Variants in CHN1 observed in about 807,000 individuals in gnomAD.
CHN1 encodes the protein N-chimaerin.
A neutral mutation model predicts 59.5 loss-of-function variants in CHN1; 37 were observed. That is an observed-to-expected ratio of 0.62 (90% confidence interval 0.48 to 0.82). CHN1 has a LOEUF of 0.82. Ranked by LOEUF, CHN1 falls within the 40% of genes least tolerant of loss-of-function variation. The pLI, the probability that CHN1 is intolerant of heterozygous loss-of-function variation, is 0.00. For missense variants in CHN1, 469 were observed against 571.0 expected, an observed-to-expected ratio of 0.82 and a Z score of 1.82; for synonymous variants, 206 against 200.4, an observed-to-expected ratio of 1.03 and a Z score of -0.24.
chr2:174,846,299 C>T, intron 7 of CHN1: 1 of 1,541,466 alleles, frequency 6.5e-7, no homozygotes, highest in Non-Finnish European at 8.7e-7. Flanking sequence ...TAATTAAAAA[C>T]TACACATACG....
At chr2:174,977,352 C>A (rs531944439) in intron 1 of CHN1, among the ~76,000 whole-genome samples, 2 of 152,280 alleles carry the variant, frequency 1.3e-5, no homozygotes, top group East Asian at 3.9e-4. Flanking sequence ...AGTGCCATTA[C>A]CTGTTCACCT....
intron 1 of CHN1, among the ~76,000 whole-genome samples, chr2:174,967,511 C>T (rs1311197543): frequency 2.0e-5 from 3 of 152,124 alleles, no homozygotes; most frequent in Non-Finnish European, 2.9e-5. Context: ...TGTTCATGTT[C>T]CAATGTTTCC....
intron 10 of CHN1, 61 bp from the exon 11 acceptor site, chr2:174,809,103 A>G (rs1684995038): frequency 1.4e-6 from 2 of 1,420,752 alleles, no homozygotes; most frequent in East Asian, 4.6e-5. Context: ...TGTTTTAATG[A>G]ATGACATATC....
intron 7 of CHN1, chr2:174,837,467 C>G (rs908301424): frequency 2.6e-5 from 4 of 152,254 alleles, no homozygotes; most frequent in African/African-American, 9.6e-5. Flanking sequence ...AAGCCTCTGA[C>G]TACCATGACC....
Position 174,858,969 on chromosome 2 carries a change from T to C in CHN1, c.550-12012A>G, listed in dbSNP as rs145825128. ...GACTGAGAAAAATCTACCATGCTGA[T>C]TTCCTCCTCTACACACACACACACA... On this transcript the variant is annotated intron_variant, in intron 6 of 12. Coordinates refer to ENST00000409900, the MANE Select transcript of CHN1 (RefSeq NM_001822.7). Among the ~76,000 whole-genome samples, 1,101 of 126,170 alleles carry C rather than the reference T, an allele frequency of 8.7e-3. 5 individuals are homozygous for C. Among genetic ancestry groups the C allele is most frequent in the Middle Eastern group, 0.025 (6 of 242 alleles). 82.8% of individuals were successfully genotyped at this position (126,170 alleles called of 152,430 possible).
chr2:174,992,825 A>C (rs956071410), intron 1 of CHN1, among the ~76,000 whole-genome samples: 1 of 151,568 alleles, frequency 6.6e-6, no homozygotes, highest in Non-Finnish European at 1.5e-5. Context: ...TTTAAGAGAC[A>C]GAGTCTGACT....
At chr2:174,820,357 C>T (rs567601448) in intron 8 of CHN1, among the ~76,000 whole-genome samples, 3 of 152,284 alleles carry the variant, frequency 2.0e-5, no homozygotes, top group African/African-American at 7.2e-5. Context: ...TACTGATTGC[C>T]ATTCTAACTG....
intron 1 of CHN1, among the ~76,000 whole-genome samples, chr2:174,984,263 C>G (rs1231371667): frequency 1.3e-5 from 2 of 151,502 alleles, no homozygotes; most frequent in Non-Finnish European, 2.9e-5. Context: ...ATATAATACT[C>G]TCTGATCCAT....
chr2:174,820,231 A>G (rs891196451), intron 8 of CHN1, among the ~76,000 whole-genome samples: 1 of 152,114 alleles, frequency 6.6e-6, no homozygotes, highest in Non-Finnish European at 1.5e-5. Context: ...CTAGATCCCT[A>G]AGGAATCACC....
intron 5 of CHN1, among the ~76,000 whole-genome samples, chr2:174,907,687 A>G (rs1294546956): frequency 6.6e-6 from 1 of 151,230 alleles, no homozygotes; most frequent in African/African-American, 2.4e-5. Flanking sequence ...CTCAAAAAAT[A>G]CAAAGAAGTA....
intron 8 of CHN1, among the ~76,000 whole-genome samples, chr2:174,815,124 C>T (rs1169053474): frequency 6.6e-6 from 1 of 152,082 alleles, no homozygotes; most frequent in African/African-American, 2.4e-5. Flanking sequence ...CACCTATAAT[C>T]CCAGCACTTT....
chr2:174,987,263 T>C (rs1252277898), intron 1 of CHN1, among the ~76,000 whole-genome samples: 1 of 152,164 alleles, frequency 6.6e-6, no homozygotes, highest in Non-Finnish European at 1.5e-5. Context: ...CTAAGCATCA[T>C]GTTCAAGGGT....
At chr2:174,826,835 T>C (rs1685697793) in intron 7 of CHN1, among the ~76,000 whole-genome samples, 1 of 152,234 alleles carries the variant, frequency 6.6e-6, no homozygotes, top group Non-Finnish European at 1.5e-5. Flanking sequence ...GGGTTACACA[T>C]GTATCTCAGA....
chr2:174,937,702 G>A (rs1457711274), intron 3 of CHN1, among the ~76,000 whole-genome samples: 3 of 151,720 alleles, frequency 2.0e-5, no homozygotes, highest in Admixed American at 6.6e-5. Flanking sequence ...TGAATATCTC[G>A]GTGCCCTTCC....
At chr2:174,834,254 A>G (rs2105415836) in intron 7 of CHN1, among the ~76,000 whole-genome samples, 1 of 152,368 alleles carries the variant, frequency 6.6e-6, no homozygotes, top group African/African-American at 2.4e-5. Flanking sequence ...TATAAACTAC[A>G]TAATATATTA....
chr2:174,839,325 T>C (rs1402578532), intron 7 of CHN1, among the ~76,000 whole-genome samples: 1 of 152,180 alleles, frequency 6.6e-6, no homozygotes, highest in African/African-American at 2.4e-5. Flanking sequence ...ATATATACAA[T>C]AGAATATTTA....
chr2:174,878,467 T>C (rs1294874576), intron 5 of CHN1, among the ~76,000 whole-genome samples: 1 of 152,204 alleles, frequency 6.6e-6, no homozygotes, highest in East Asian at 1.9e-4. Flanking sequence ...CAATATTCAA[T>C]TGGCCAACTC....
At chr2:174,860,492 G>A (rs1687035653) in intron 6 of CHN1, among the ~76,000 whole-genome samples, 1 of 152,084 alleles carries the variant, frequency 6.6e-6, no homozygotes, top group South Asian at 2.1e-4. Flanking sequence ...CTACTGAAAT[G>A]CTCAAAGTAT....
chr2:174,936,933 T>C (rs1689515446), intron 3 of CHN1, among the ~76,000 whole-genome samples: 1 of 152,196 alleles, frequency 6.6e-6, no homozygotes, highest in Non-Finnish European at 1.5e-5. Flanking sequence ...ATTATTTATA[T>C]CTGAATTTCA....
Sources: allele counts gnomAD v4.1 joint callset (sites outside exome capture counted in the v4.1 genomes callset), GRCh38; gene constraint gnomAD v4.1.1; transcripts MANE v1.5; gene names NCBI Gene and HGNC (gene_info 2026-07-23, HGNC 2026-07-21).